Variants in SAMMSON observed in about 807,000 individuals in gnomAD.
The protein encoded by SAMMSON is long intergenic non-protein coding RNA 1212.
chr3:70,390,459 T>C (rs1005161600), downstream of SAMMSON, among the ~76,000 whole-genome samples: 1 of 152,082 alleles, frequency 6.6e-6, no homozygotes, highest in Non-Finnish European at 1.5e-5. Context: ...CCAGGAAGCA[T>C]AGCAGCATCT....
At chr3:70,298,260 TA>T (rs1702310357) in intron 7 of SAMMSON, among the ~76,000 whole-genome samples, 2 of 152,234 alleles carry the variant, frequency 1.3e-5, no homozygotes, top group South Asian at 4.1e-4. Context: ...CCACTGGAGT[TA>T]TTTTTTCCCC....
downstream of SAMMSON, among the ~76,000 whole-genome samples, chr3:70,393,932 G>T (rs898413772): frequency 1.3e-5 from 2 of 152,158 alleles, no homozygotes; most frequent in African/African-American, 2.4e-5. Context: ...TTTTTAAAAA[G>T]ACGACTTTGG....
intron 4 of SAMMSON, among the ~76,000 whole-genome samples, chr3:70,223,973 G>A (rs1559539009): frequency 6.6e-6 from 1 of 151,560 alleles, no homozygotes; most frequent in East Asian, 1.9e-4. Flanking sequence ...AACCTGATAT[G>A]CTATCTCTAT....
At chr3:70,243,524 G>C (rs1380921729) in intron 4 of SAMMSON, among the ~76,000 whole-genome samples, 1 of 152,074 alleles carries the variant, frequency 6.6e-6, no homozygotes, top group Non-Finnish European at 1.5e-5. Flanking sequence ...GTGTATTTCA[G>C]CCACACATCT....
At chr3:70,195,743 A>AAGT (rs1701170363) in intron 4 of SAMMSON, among the ~76,000 whole-genome samples, 1 of 152,220 alleles carries the variant, frequency 6.6e-6, no homozygotes. Flanking sequence ...AATTAACACA[A>AAGT]AGTAATGAGC....
chr3:70,010,932 G>T (rs946856923), intron 1 of SAMMSON, among the ~76,000 whole-genome samples: 4 of 152,040 alleles, frequency 2.6e-5, no homozygotes, highest in African/African-American at 7.2e-5. Context: ...ACAGCATGCA[G>T]GTGATGCTGT....
intron 4 of SAMMSON, among the ~76,000 whole-genome samples, chr3:70,194,831 G>C (rs1034576105): frequency 1.1e-4 from 16 of 152,114 alleles, no homozygotes; most frequent in African/African-American, 3.9e-4. Context: ...CATATTATAG[G>C]AATAGGGTTC....
At chr3:70,221,687 T>C (rs1050850954) in intron 4 of SAMMSON, among the ~76,000 whole-genome samples, 1 of 152,146 alleles carries the variant, frequency 6.6e-6, no homozygotes, top group African/African-American at 2.4e-5. Context: ...GATGCCAAGG[T>C]TCAAATGGAA....
At chr3:70,144,001 G>C (rs1309010648) in intron 4 of SAMMSON, among the ~76,000 whole-genome samples, 1 of 152,058 alleles carries the variant, frequency 6.6e-6, no homozygotes, top group East Asian at 1.9e-4. Flanking sequence ...GACAACTTTG[G>C]ATTCCTATCA....
At chr3:70,086,774 A>T (rs1237113465) in intron 4 of SAMMSON, among the ~76,000 whole-genome samples, 1 of 152,184 alleles carries the variant, frequency 6.6e-6, no homozygotes, top group Admixed American at 6.5e-5. Flanking sequence ...ACTGATTATG[A>T]TTAGTTCCAA....
intron 4 of SAMMSON, among the ~76,000 whole-genome samples, chr3:70,190,830 T>C (rs1701126767): frequency 1.3e-5 from 2 of 152,106 alleles, no homozygotes; most frequent in Non-Finnish European, 2.9e-5. Context: ...CAGGGGCAGT[T>C]TTACAAACTC....
At chr3:70,112,699 A>G (rs1291050375) in intron 4 of SAMMSON, among the ~76,000 whole-genome samples, 1 of 152,222 alleles carries the variant, frequency 6.6e-6, no homozygotes, top group East Asian at 1.9e-4. Flanking sequence ...AAATAAATTG[A>G]AATATTTAAA....
intron 4 of SAMMSON, among the ~76,000 whole-genome samples, chr3:70,122,516 A>C (rs2106667870): frequency 6.6e-6 from 1 of 152,368 alleles, no homozygotes; most frequent in Middle Eastern, 3.4e-3. Flanking sequence ...CCCAATTTTC[A>C]ATTATTAAAG....
intron 3 of SAMMSON, among the ~76,000 whole-genome samples, chr3:70,016,315 T>A (rs1376700747): frequency 1.3e-5 from 2 of 152,180 alleles, no homozygotes; most frequent in African/African-American, 4.8e-5. Flanking sequence ...TGATGGCCAG[T>A]GATGATGAGC....
rs546490541 is a variant in SAMMSON at position 70,311,021 on chromosome 3, CAATA to C, written n.739+19783_739+19786del. 1.4e-4 allele frequency among the ~76,000 whole-genome samples: 22 copies of C among 152,172 alleles called. No individual in the cohort carries two copies. The South Asian group carries it at 4.6e-3, about 32-fold the overall frequency. ...TGTCATGATGATTCAGCAAAATCAT[CAATA>C]AATATCAATAAACATTGTCAATGTT... is the stretch of plus-strand genomic sequence containing the variant. On this transcript the variant is annotated intron_variant and non_coding_transcript_variant, in intron 7 of 9. Coordinates refer to ENST00000642114, the Ensembl canonical transcript of SAMMSON.
At chr3:70,218,508 CT>C (rs574918851) in intron 4 of SAMMSON, among the ~76,000 whole-genome samples, 20 of 152,178 alleles carry the variant, frequency 1.3e-4, no homozygotes, top group African/African-American at 4.8e-4. Flanking sequence ...CTTTTGCTTC[CT>C]TTCGGTACCC....
intron 2 of SAMMSON, among the ~76,000 whole-genome samples, chr3:70,407,750 A>G (rs1429023452): frequency 6.6e-6 from 1 of 152,138 alleles, no homozygotes; most frequent in African/African-American, 2.4e-5. Flanking sequence ...CTGTAGGTGG[A>G]TCTACCATTC....
At position 70,158,852 on chromosome 3, in the gene SAMMSON, T is replaced by C. The variant is rs182820371; in HGVS notation, n.507+87287T>C. ...ATAGGGGACCAAATTTATACTTTTG[T>C]ATTAGTGTATTTTTAATATCAAAGC... On this transcript the variant is annotated intron_variant and non_coding_transcript_variant, in intron 4 of 9. Transcript: ENST00000642114. Among the ~76,000 whole-genome samples, 250 of 152,180 alleles carry C rather than the reference T, an allele frequency of 1.6e-3. 3 individuals carry two copies. The highest frequency in any genetic ancestry group is 5.7e-3 in the African/African-American group (237 of 41,558).
chr3:70,028,507 C>G (rs2107583109), intron 3 of SAMMSON, among the ~76,000 whole-genome samples: 1 of 152,222 alleles, frequency 6.6e-6, no homozygotes, highest in Admixed American at 6.5e-5. Flanking sequence ...TGGCAAATTC[C>G]TGTCTATGCC....
Sources: gnomAD v4.1 joint callset for allele counts (sites outside exome capture counted in the v4.1 genomes callset) on GRCh38, gnomAD v4.1.1 for gene constraint, MANE v1.5 for transcripts, NCBI Gene and HGNC (gene_info 2026-07-23, HGNC 2026-07-21) for gene names.